The following ENPP2 variants were observed in gnomAD, a reference collection of about 807,000 sequenced individuals.
The protein encoded by ENPP2 is ectonucleotide pyrophosphatase/phosphodiesterase 2.
ENPP2 carries 51 observed loss-of-function variants against 120.2 expected under a neutral mutation model. That is an observed-to-expected ratio of 0.42 (90% CI 0.34 to 0.54). The LOEUF is 0.54. Ranked by LOEUF, ENPP2 falls within the 20% of genes least tolerant of loss-of-function variation. The pLI is 0.04. For synonymous variants in ENPP2, 365 were observed against 366.4 expected (o/e 1.00, Z 0.04); for missense variants, 920 against 1,066.5 (o/e 0.86, Z 1.91).
intron 3 of ENPP2, among the ~76,000 whole-genome samples, chr8:119,623,716 T>C (rs1047750714): frequency 6.6e-6 from 1 of 152,012 alleles, no homozygotes; most frequent in Non-Finnish European, 1.5e-5. Context: ...ACCTCTACCT[T>C]TCAGGTTCAA....
chr8:119,655,897 A>G (rs896786422), intron 1 of ENPP2, among the ~76,000 whole-genome samples: 1 of 152,202 alleles, frequency 6.6e-6, no homozygotes, highest in African/African-American at 2.4e-5. Flanking sequence ...ATTACTATTA[A>G]AAGAAACTCC....
intron 2 of ENPP2, among the ~76,000 whole-genome samples, chr8:119,628,690 C>T (rs748566916): frequency 9.2e-5 from 14 of 152,008 alleles, no homozygotes; most frequent in Non-Finnish European, 2.1e-4. Flanking sequence ...ATATATTAGA[C>T]TTTGTGTTTA....
chr8:119,612,782 C>G (rs1020464980), intron 8 of ENPP2, among the ~76,000 whole-genome samples: 2 of 152,090 alleles, frequency 1.3e-5, no homozygotes. Flanking sequence ...CCCACCTGCT[C>G]AGGAGGCTGA....
intron 1 of ENPP2, among the ~76,000 whole-genome samples, chr8:119,659,501 C>T (rs1481335933): frequency 6.6e-6 from 1 of 152,146 alleles, no homozygotes; most frequent in Non-Finnish European, 1.5e-5. Context: ...CATGAGGCTT[C>T]ACTTCAGCAA....
Position 119,557,321 on chromosome 8 carries a change from A to G in ENPP2, c.*200T>C, listed in dbSNP as rs1813545725. On this transcript the variant is annotated 3_prime_UTR_variant, in exon 25 of 25. Transcript: ENST00000075322. ...AAAAACTCAAGCTGCAGTATTTATT[A>G]CAAGCTCTACTCAGAACACAAGGCT... 1 of 510,390 alleles carries G rather than the reference A, an allele frequency of 2.0e-6. No homozygotes were observed. Among genetic ancestry groups the G allele is most frequent in the African/African-American group, 2.0e-5 (1 of 50,176 alleles). 31.6% of individuals were successfully genotyped at this position (510,390 alleles called of 1,614,324 possible). A position where few individuals can be genotyped will look rare whatever the true frequency, so the allele number is the denominator to read the frequency against.
At chr8:119,594,480 G>A (rs952209223) in intron 11 of ENPP2, among the ~76,000 whole-genome samples, 4 of 152,130 alleles carry the variant, frequency 2.6e-5, no homozygotes, top group African/African-American at 9.7e-5. Flanking sequence ...GAATCTATAA[G>A]AGTCCTAACT....
intron 15 of ENPP2, 124 bp from the exon 16 acceptor site, chr8:119,584,173 G>A: frequency 1.5e-6 from 1 of 650,158 alleles, no homozygotes; most frequent in Non-Finnish European, 2.7e-6. Context: ...TATTTTAATT[G>A]CATTCTTCTT....
intron 9 of ENPP2, among the ~76,000 whole-genome samples, chr8:119,607,341 T>C (rs770728972): frequency 1.1e-4 from 16 of 152,104 alleles, no homozygotes; most frequent in Admixed American, 5.9e-4. Flanking sequence ...TAGAAAAATC[T>C]AAAGGACATC....
chr8:119,611,533 T>C (rs969204448), intron 8 of ENPP2, among the ~76,000 whole-genome samples: 1 of 152,132 alleles, frequency 6.6e-6, no homozygotes, highest in Non-Finnish European at 1.5e-5. Flanking sequence ...GAGGCTGAGA[T>C]GGAGTGCTGT....
At position 119,616,309 on chromosome 8, in the gene ENPP2, G is replaced by T. The variant is rs761562708; in HGVS notation, c.733C>A (p.Arg245=). ...CTATGATTAAATTTCTCTCGCCCTC[G>T]CAGATGAAAAGTGGCATCAAATACA... ...DPVFDATFHL[R]GREKFNHRWW... The change falls in exon 8 of 25, where the codon CGA becomes AGA. Residue 245 remains arginine, a synonymous_variant. Coordinates refer to ENST00000075322, the MANE Select transcript of ENPP2 (RefSeq NM_001040092.3). The T allele has an allele frequency of 5.0e-6, 8 of 1,608,746 alleles. No homozygotes were observed. The highest frequency in any genetic ancestry group is 6.8e-6 in the Non-Finnish European group (8 of 1,176,280).
intron 1 of ENPP2, among the ~76,000 whole-genome samples, chr8:119,663,111 T>G (rs550381101): frequency 7.6e-6 from 1 of 131,736 alleles, no homozygotes; most frequent in African/African-American, 2.9e-5. Context: ...AGTGAGAGAC[T>G]CTTGTCTCAA....
At chr8:119,656,679 A>C (rs1436629681) in intron 1 of ENPP2, among the ~76,000 whole-genome samples, 1 of 152,194 alleles carries the variant, frequency 6.6e-6, no homozygotes, top group Non-Finnish European at 1.5e-5. Flanking sequence ...ATATAAATAT[A>C]TTAGTTGGTA....
intron 2 of ENPP2, among the ~76,000 whole-genome samples, chr8:119,637,354 C>G (rs1253020020): frequency 6.6e-6 from 1 of 152,172 alleles, no homozygotes; most frequent in Admixed American, 6.5e-5. Flanking sequence ...CCCCGCCACA[C>G]CCCACTTCAA....
chr8:119,626,425 A>G, intron 3 of ENPP2, 140 bp downstream of exon 3: 1 of 622,228 alleles, frequency 1.6e-6, no homozygotes, highest in East Asian at 2.7e-5. Context: ...TCTTCAAAGA[A>G]CCAATAATCA....
At chr8:119,565,041 G>A (rs190307316) in intron 22 of ENPP2, 86 bp from the exon 23 acceptor site, 16 of 1,167,480 alleles carry the variant, frequency 1.4e-5, no homozygotes, top group Admixed American at 8.5e-5. Context: ...TGCATGCTAC[G>A]AGCCAAATCT....
chr8:119,617,894 A>G (rs1002045022), intron 5 of ENPP2, among the ~76,000 whole-genome samples: 14 of 152,178 alleles, frequency 9.2e-5, no homozygotes, highest in Non-Finnish European at 1.8e-4. Context: ...TGTTGCAGTG[A>G]GCTGAGATCG....
At position 119,568,227 on chromosome 8, in the gene ENPP2, T is replaced by C. The variant is rs745962605; in HGVS notation, c.2079A>G (p.Lys693=). The change falls in exon 22 of 25, where the codon AAA becomes AAG. Residue 693 remains lysine, a synonymous_variant. Coordinates refer to ENST00000075322, the MANE Select transcript of ENPP2 (RefSeq NM_001040092.3). ...TATTGGTTACAAGGAATGCATCATA[T>C]TTAGCCTCTGGTGAAGAGCTCAGAT... is the stretch of plus-strand genomic sequence containing the variant. ...PPYLSSSPEA[K]YDAFLVTNMV... 1 of 1,601,604 alleles carries C rather than the reference T, an allele frequency of 6.2e-7. No individual in the cohort carries two copies. Among genetic ancestry groups the C allele is most frequent in the Non-Finnish European group, 8.6e-7 (1 of 1,168,892 alleles).
chr8:119,562,015 T>C (rs1014398196), intron 24 of ENPP2, among the ~76,000 whole-genome samples: 12 of 151,830 alleles, frequency 7.9e-5, no homozygotes, highest in Admixed American at 7.2e-4. Flanking sequence ...TGGGCGCCTA[T>C]AGTCCCAGCT....
At chr8:119,673,380 T>C in exon 1 of ENPP2, 3 of 1,264,924 alleles carry the variant, frequency 2.4e-6, no homozygotes, top group Non-Finnish European at 3.3e-6. Context: ...CGGACTGCTC[T>C]TGTTTGCACT....
Sources: allele counts gnomAD v4.1 joint callset (sites outside exome capture counted in the v4.1 genomes callset), GRCh38; gene constraint gnomAD v4.1.1; transcripts MANE v1.5; gene names NCBI Gene and HGNC (gene_info 2026-07-23, HGNC 2026-07-21).